Variants in STAG1 observed in about 807,000 individuals in gnomAD.
STAG1 encodes the protein STAG1 cohesin complex component.
In STAG1, 26 loss-of-function variants were observed where a neutral mutation model predicts 170.9. The observed-to-expected ratio is 0.15, with a 90% CI of 0.11 to 0.21. The LOEUF (loss-of-function observed/expected upper bound fraction) is 0.21, where lower values mean the gene tolerates loss of function less well. STAG1 is among the 10% of genes least tolerant of loss of function. The pLI is 1.00. For synonymous variants in STAG1, 514 were observed against 497.7 expected, an observed-to-expected ratio of 1.03 and a Z score of -0.44; for missense variants, 964 against 1,509.5, an observed-to-expected ratio of 0.64 and a Z score of 5.99.
At chr3:136,576,359 T>C (rs912463494) in intron 4 of STAG1, among the ~76,000 whole-genome samples, 28 of 152,216 alleles carry the variant, frequency 1.8e-4, no homozygotes, top group African/African-American at 6.8e-4. Context: ...TAGGCTTGAA[T>C]GTCCTCAATT....
chr3:136,712,689 C>T (rs1943417024), intron 1 of STAG1, among the ~76,000 whole-genome samples: 1 of 152,190 alleles, frequency 6.6e-6, no homozygotes, highest in Admixed American at 6.5e-5. Flanking sequence ...TTCAGTAAAA[C>T]CACTCTGGAA....
At chr3:136,714,960 TATA>T (rs1419282397) in intron 1 of STAG1, among the ~76,000 whole-genome samples, 24 of 69,886 alleles carry the variant, frequency 3.4e-4, no homozygotes, top group East Asian at 1.3e-3. Flanking sequence ...TATATATATA[TATA>T]TTTTATATAT....
At chr3:136,631,672 C>G (rs1338479531) in intron 1 of STAG1, among the ~76,000 whole-genome samples, 2 of 151,910 alleles carry the variant, frequency 1.3e-5, no homozygotes, top group Admixed American at 6.5e-5. Context: ...TATAAGCAAA[C>G]ACTCTTTACT....
chr3:136,543,712 G>A (rs1331640792), intron 5 of STAG1, among the ~76,000 whole-genome samples: 3 of 152,208 alleles, frequency 2.0e-5, no homozygotes, highest in African/African-American at 7.2e-5. Flanking sequence ...TATCACTGCA[G>A]AGCAGAGAGC....
chr3:136,519,948 A>C (rs962251139), intron 7 of STAG1, among the ~76,000 whole-genome samples: 1 of 152,122 alleles, frequency 6.6e-6, no homozygotes, highest in African/African-American at 2.4e-5. Flanking sequence ...AATAATGAGA[A>C]AAGAACACTC....
At chr3:136,420,915 C>G (rs1052840261) in intron 20 of STAG1, among the ~76,000 whole-genome samples, 178 bp downstream of exon 20, 3 of 152,202 alleles carry the variant, frequency 2.0e-5, no homozygotes, top group African/African-American at 7.2e-5. Flanking sequence ...TCCTGAGTAG[C>G]TGGGACCACA....
intron 6 of STAG1, 109 bp downstream of exon 6, chr3:136,542,009 AG>A (rs1184693168): frequency 5.0e-5 from 39 of 777,316 alleles, no homozygotes; most frequent in Non-Finnish European, 7.5e-5. Context: ...ATTAAAAAAT[AG>A]ATTTTCAGTT....
chr3:136,336,740 G>GTGTC lies in STAG1; in HGVS notation c.*1510_*1513dup, dbSNP rs1935694417. 6.6e-6 allele frequency: 1 copy of GTGTC among 152,194 alleles called. No homozygotes were observed. The highest frequency in any genetic ancestry group is 2.1e-4 in the South Asian group (1 of 4,834). The allele number at this position is 152,194 out of a possible 1,614,324, so 9.4% of individuals were successfully genotyped here. ...GTACAAATGTTGAGAAAAATGTTTTGTGTCTTTACTAAAAGGATGAATAAA... is the reference window on the plus strand; with the variant it reads ...GTACAAATGTTGAGAAAAATGTTTTGTGTCTGTCTTTACTAAAAGGATGAATAAA... On this transcript the variant is annotated 3_prime_UTR_variant, in exon 34 of 34. Transcript: ENST00000383202.
chr3:136,546,133 G>A (rs1936145141), intron 5 of STAG1, among the ~76,000 whole-genome samples: 1 of 152,112 alleles, frequency 6.6e-6, no homozygotes. Flanking sequence ...TAGAGCTATA[G>A]AACTGTTCAA....
intron 9 of STAG1, among the ~76,000 whole-genome samples, chr3:136,485,500 C>G (rs779644983): frequency 6.6e-6 from 1 of 151,950 alleles, no homozygotes; most frequent in Admixed American, 6.6e-5. Flanking sequence ...TGAGGTGTTC[C>G]TAGACCTACA....
intron 16 of STAG1, among the ~76,000 whole-genome samples, chr3:136,432,846 T>G (rs997653018): frequency 1.3e-5 from 2 of 152,224 alleles, no homozygotes; most frequent in Admixed American, 1.3e-4. Context: ...GCAGTGCCAC[T>G]CTGGTAACAA....
At chr3:136,429,487 G>C (rs1318378612) in intron 16 of STAG1, among the ~76,000 whole-genome samples, 2 of 152,202 alleles carry the variant, frequency 1.3e-5, no homozygotes, top group East Asian at 3.9e-4. Flanking sequence ...GGTACCAGAT[G>C]ATGAGGAAGA....
chr3:136,733,636 T>C (rs1056673950), intron 1 of STAG1, among the ~76,000 whole-genome samples: 1 of 152,216 alleles, frequency 6.6e-6, no homozygotes, highest in African/African-American at 2.4e-5. Flanking sequence ...ATAGATTTCT[T>C]AGCCATCTGT....
At chr3:136,691,808 A>G (rs1330742017) in intron 1 of STAG1, among the ~76,000 whole-genome samples, 1 of 152,216 alleles carries the variant, frequency 6.6e-6, no homozygotes, top group Non-Finnish European at 1.5e-5. Context: ...GCTACAGGGA[A>G]GAGGAACTAA....
chr3:136,618,399 G>A (rs1030216809), intron 3 of STAG1, among the ~76,000 whole-genome samples: 4 of 152,158 alleles, frequency 2.6e-5, no homozygotes, highest in East Asian at 1.9e-4. Flanking sequence ...CTGTAAGGGC[G>A]CACCCTTCTA....
chr3:136,607,519 C>CA (rs1939023307), intron 3 of STAG1, among the ~76,000 whole-genome samples: 1 of 152,208 alleles, frequency 6.6e-6, no homozygotes, highest in Non-Finnish European at 1.5e-5. Flanking sequence ...TCTTCTGCCT[C>CA]AGCCTCCTGA....
chr3:136,406,228 TCA>T (rs1332533721), intron 21 of STAG1, among the ~76,000 whole-genome samples: 3 of 152,204 alleles, frequency 2.0e-5, no homozygotes, highest in Admixed American at 6.5e-5. Context: ...CAACTTTGAC[TCA>T]CACAACTTGA....
intron 1 of STAG1, among the ~76,000 whole-genome samples, chr3:136,730,524 T>C (rs1933952151): frequency 6.6e-6 from 1 of 152,206 alleles, no homozygotes; most frequent in South Asian, 2.1e-4. Flanking sequence ...GTTGTTTAAT[T>C]ATTATGCATG....
intron 3 of STAG1, among the ~76,000 whole-genome samples, chr3:136,609,906 A>G (rs949754448): frequency 2.0e-5 from 3 of 152,176 alleles, no homozygotes; most frequent in Admixed American, 2.0e-4. Context: ...TACTTTTCAT[A>G]TCCTAAAAGA....
Sources: allele counts gnomAD v4.1 joint callset (sites outside exome capture counted in the v4.1 genomes callset), GRCh38; gene constraint gnomAD v4.1.1; transcripts MANE v1.5; gene names NCBI Gene and HGNC (gene_info 2026-07-23, HGNC 2026-07-21).